GSE1: variants seen among roughly 807,000 people sequenced by gnomAD.
GSE1 encodes the protein Gse1 coiled-coil protein.
In GSE1, 32 loss-of-function variants were observed where a neutral mutation model predicts 112.6. The ratio of observed to expected loss-of-function variants is 0.28; its 90% CI spans 0.21 to 0.38. The LOEUF is 0.38. Ranked by LOEUF, GSE1 falls within the 10% of genes least tolerant of loss-of-function variation. The pLI is 1.00. For missense variants in GSE1, 2,348 were observed against 1,699.2 expected, an observed-to-expected ratio of 1.38 and a Z score of -6.71; for synonymous variants, 1,115 against 735.6, an observed-to-expected ratio of 1.52 and a Z score of -8.35.
chr16:85,377,830 G>A lies in GSE1; in HGVS notation c.2464+20187G>A, dbSNP rs558934294. ...CTTCCAAATGGCCCGGCATCCACAT[G>A]TGCAGGAGCTGGGGGGAGGGCATGG... On this transcript the variant is annotated intron_variant, in intron 2 of 2. Transcript: ENST00000637419. Among the ~76,000 whole-genome samples the A allele has an allele frequency of 4.6e-5, 7 of 152,368 alleles. No homozygotes were observed. In the South Asian group the frequency reaches 8.3e-4, roughly 18 times the overall value.
At chr16:85,477,654 G>T (rs909357915) in intron 2 of GSE1, among the ~76,000 whole-genome samples, 6 of 150,748 alleles carry the variant, frequency 4.0e-5, no homozygotes, top group African/African-American at 1.5e-4. Context: ...TCCACCTGCT[G>T]GGTTCAAGTG....
At chr16:85,476,209 G>T (rs567531098) in intron 2 of GSE1, among the ~76,000 whole-genome samples, 7 of 152,356 alleles carry the variant, frequency 4.6e-5, no homozygotes, top group African/African-American at 1.7e-4. Flanking sequence ...TGGGATTACA[G>T]GCGTCAGCCA....
At chr16:85,207,490 C>T (rs931133514) in intron 1 of GSE1, among the ~76,000 whole-genome samples, 3 of 152,256 alleles carry the variant, frequency 2.0e-5, no homozygotes, top group African/African-American at 4.8e-5. Flanking sequence ...CTGGGAGAGG[C>T]TGGCTTCCCC....
In GSE1 at chr16:85,364,993, G is replaced by A. The variant is rs60827880; in HGVS notation, c.2464+7350G>A. ...GAGGCAGCCCCTGGCTGTCTTCGAG[G>A]CTGTCTTTGGAGGCCTGTCCTCAGG... On this transcript the variant is annotated intron_variant, in intron 2 of 2. Transcript: ENST00000637419. Among the ~76,000 whole-genome samples the A allele has an allele frequency of 9.7e-3, 1,474 of 152,344 alleles. 25 individuals carry two copies. Among genetic ancestry groups the A allele is most frequent in the African/African-American group, 0.034 (1,400 of 41,572 alleles).
chr16:85,213,841 C>G (rs770965816), intron 1 of GSE1, among the ~76,000 whole-genome samples: 1 of 152,230 alleles, frequency 6.6e-6, no homozygotes, highest in African/African-American at 2.4e-5. Flanking sequence ...CCATAGGCAG[C>G]TCAGACTCAC....
At chr16:85,368,870 T>C (rs904508001) in intron 2 of GSE1, among the ~76,000 whole-genome samples, 1 of 152,120 alleles carries the variant, frequency 6.6e-6, no homozygotes, top group African/African-American at 2.4e-5. Context: ...TCCCCCTCCC[T>C]AGGGCATGGA....
intron 1 of GSE1, among the ~76,000 whole-genome samples, chr16:85,206,589 C>T (rs1303093177): frequency 2.0e-5 from 3 of 152,164 alleles, no homozygotes; most frequent in Non-Finnish European, 4.4e-5. Flanking sequence ...GGAAAAGCGT[C>T]TGCCTACCTG....
In GSE1 at chr16:85,671,045, G is replaced by T. The variant is rs772328904; in HGVS notation, c.3466G>T (p.Ala1156Ser). ...VLQTQCRRLE[A>S]RHYSLSLTAE... ...ACAGACACAATGTAGACGACTGGAG[G>T]CCCGGCACTACAGCCTCAGCCTGAC... Residue 1156 changes from alanine (A) to serine (S), a missense_variant, in exon 15 of 16, where the codon GCC becomes TCC. Ala to Ser is a moderately conservative substitution (Grantham distance 99). Coordinates refer to ENST00000253458, the MANE Select transcript of GSE1 (RefSeq NM_014615.5). The T allele has an allele frequency of 1.9e-5, 31 of 1,612,820 alleles. No individual in the cohort carries two copies. The South Asian group carries it at 3.4e-4, about 18-fold the overall frequency.
chr16:85,287,822 G>A (rs1433608127), intron 1 of GSE1, among the ~76,000 whole-genome samples: 2 of 152,134 alleles, frequency 1.3e-5, no homozygotes, highest in Non-Finnish European at 2.9e-5. Context: ...AAGCCTAAAG[G>A]AGCCGCAGGA....
chr16:85,621,071 C>G (rs148262849), intron 1 of GSE1, among the ~76,000 whole-genome samples: 30 of 150,912 alleles, frequency 2.0e-4, no homozygotes, highest in African/African-American at 6.8e-4. Context: ...TAGATGGTTT[C>G]AGCCCTGGAT....
chr16:85,624,344 C>G (rs1460049305), intron 1 of GSE1, among the ~76,000 whole-genome samples: 1 of 152,190 alleles, frequency 6.6e-6, no homozygotes, highest in Non-Finnish European at 1.5e-5. Flanking sequence ...GTGCCATGGG[C>G]TACACAGGGC....
chr16:85,180,852 G>A (rs539046550), intron 1 of GSE1, among the ~76,000 whole-genome samples: 2 of 152,330 alleles, frequency 1.3e-5, no homozygotes, highest in Admixed American at 6.5e-5. Context: ...TAACGAAGTG[G>A]CGAATGTAGA....
At chr16:85,471,825 C>G (rs949678403) in intron 2 of GSE1, among the ~76,000 whole-genome samples, 1 of 152,232 alleles carries the variant, frequency 6.6e-6, no homozygotes, top group African/African-American at 2.4e-5. Context: ...ATCTTCCCGC[C>G]TCAGCCTCCC....
At chr16:85,486,661 G>A (rs57853368) in intron 2 of GSE1, among the ~76,000 whole-genome samples, 6,688 of 152,222 alleles carry the variant, frequency 0.044, 251 homozygotes, top group East Asian at 0.14. Context: ...CTGCCCTGGC[G>A]AGGATGGTGG....
At chr16:85,352,848 A>G (rs1302190001) in intron 1 of GSE1, among the ~76,000 whole-genome samples, 1 of 152,194 alleles carries the variant, frequency 6.6e-6, no homozygotes, top group Non-Finnish European at 1.5e-5. Context: ...TTCACTCCCA[A>G]CAAGAGTCAT....
chr16:85,546,230 G>T (rs181423601), intron 2 of GSE1, among the ~76,000 whole-genome samples: 1 of 152,126 alleles, frequency 6.6e-6, no homozygotes, highest in African/African-American at 2.4e-5. Flanking sequence ...GATTACAGAC[G>T]TGCGCCACTG....
At chr16:85,601,007 G>C (rs564736952) in intron 1 of GSE1, among the ~76,000 whole-genome samples, 32 of 129,198 alleles carry the variant, frequency 2.5e-4, no homozygotes, top group African/African-American at 1.4e-3. Context: ...TCCACCAGTG[G>C]GGGGGTTAGA....
intron 2 of GSE1, among the ~76,000 whole-genome samples, chr16:85,488,901 C>T (rs2050923796): frequency 6.6e-6 from 1 of 152,024 alleles, no homozygotes; most frequent in Non-Finnish European, 1.5e-5. Flanking sequence ...TTCTAACAGC[C>T]CCCCGGGGGT....
At chr16:85,425,061 G>A (rs2048938332) in intron 2 of GSE1, among the ~76,000 whole-genome samples, 2 of 152,248 alleles carry the variant, frequency 1.3e-5, no homozygotes, top group African/African-American at 4.8e-5. Context: ...CTGGGCTGGG[G>A]GCCCCGGGCC....
Sources: gnomAD v4.1 joint callset for allele counts (sites outside exome capture counted in the v4.1 genomes callset) on GRCh38, gnomAD v4.1.1 for gene constraint, MANE v1.5 for transcripts, NCBI Gene and HGNC (gene_info 2026-07-23, HGNC 2026-07-21) for gene names.